The following EYA2 variants were observed in gnomAD, a reference collection of about 807,000 sequenced individuals.
EYA2 encodes the protein EYA transcriptional coactivator and phosphatase 2.
EYA2 carries 31 observed loss-of-function variants against 69.2 expected under a neutral mutation model. That is an observed-to-expected ratio of 0.45 (90% CI 0.34 to 0.60). The LOEUF is 0.60. EYA2 is among the 20% of genes least tolerant of loss of function. EYA2 has a pLI of 0.02. For synonymous variants in EYA2, 257 were observed against 279.4 expected (o/e 0.92, Z 0.80); for missense variants, 622 against 701.2 (o/e 0.89, Z 1.28).
At chr20:46,913,894 A>G (rs1984769528) in intron 1 of EYA2, among the ~76,000 whole-genome samples, 1 of 152,126 alleles carries the variant, frequency 6.6e-6, no homozygotes, top group Non-Finnish European at 1.5e-5. Flanking sequence ...CCTTCTGTCC[A>G]TTTTATCACG....
chr20:47,105,456 C>G (rs1293352689), intron 9 of EYA2, among the ~76,000 whole-genome samples: 5 of 152,242 alleles, frequency 3.3e-5, no homozygotes, highest in Admixed American at 3.3e-4. Flanking sequence ...GAAACCCTGT[C>G]TCTACTAAAA....
At chr20:47,184,052 CAGA>C (rs777170648) in intron 15 of EYA2, among the ~76,000 whole-genome samples, 7 of 152,178 alleles carry the variant, frequency 4.6e-5, no homozygotes, top group Non-Finnish European at 8.8e-5. Context: ...AGATGAAACC[CAGA>C]AGAAGAGGGA....
At chr20:47,078,672 C>T (rs921693998) in intron 7 of EYA2, among the ~76,000 whole-genome samples, 5 of 152,180 alleles carry the variant, frequency 3.3e-5, no homozygotes, top group African/African-American at 1.2e-4. Flanking sequence ...TCTCATGTTA[C>T]TTAAGAGAAA....
At chr20:46,921,073 G>T (rs1453837965) in intron 1 of EYA2, among the ~76,000 whole-genome samples, 1 of 152,176 alleles carries the variant, frequency 6.6e-6, no homozygotes, top group Admixed American at 6.5e-5. Flanking sequence ...TTGGAGGCTG[G>T]GTAGATGCCA....
chr20:47,066,424 T>C (rs1159043740), intron 5 of EYA2, among the ~76,000 whole-genome samples: 1 of 152,130 alleles, frequency 6.6e-6, no homozygotes, highest in Non-Finnish European at 1.5e-5. Flanking sequence ...GTAGCAGTTC[T>C]CTGCCTTTGA....
chr20:47,172,756 A>G lies in EYA2; in HGVS notation c.1087A>G (p.Asn363Asp). ...DGFHSSAPGA[N>D]LCLGSGVHGG... ...CTTCCACAGTTCGGCCCCAGGAGCC[A>G]ACCTGTGCCTGGGCTCTGGCGTGCA... Residue 363 changes from asparagine (N) to aspartate (D), a missense_variant, in exon 12 of 16, where the codon AAC (asparagine) becomes GAC (aspartate). This residue lies in a region of EYA2 where 257 missense variants were observed against 351.5 expected (regional missense o/e 0.73). Coordinates refer to ENST00000327619, the MANE Select transcript of EYA2 (RefSeq NM_005244.5). 6.2e-7 allele frequency: 1 copy of G among 1,614,132 alleles called. No homozygotes were observed. Among genetic ancestry groups the G allele is most frequent in the East Asian group, 2.2e-5 (1 of 44,878 alleles).
At chr20:47,034,903 C>T (rs1202707211) in intron 5 of EYA2, among the ~76,000 whole-genome samples, 2 of 152,224 alleles carry the variant, frequency 1.3e-5, no homozygotes, top group African/African-American at 2.4e-5. Context: ...TCACACCAAT[C>T]TCTGCCCCCA....
intron 9 of EYA2, among the ~76,000 whole-genome samples, chr20:47,131,336 C>G (rs1041965080): frequency 1.3e-5 from 2 of 152,178 alleles, no homozygotes; most frequent in Non-Finnish European, 2.9e-5. Context: ...ATGCTTCCCC[C>G]ACAAATTTCC....
Position 47,001,467 on chromosome 20 carries a change from T to C in EYA2, c.149T>C (p.Phe50Ser). 6.2e-7 allele frequency: 1 copy of C among 1,614,164 alleles called. No individual in the cohort carries two copies. The stretch of plus-strand genomic sequence containing the variant: ...GCCCCCCTGAGAGTGTCCCAGCTCT[T>C]CTCCAGGTGAGTGCCATTCACTTGT... Reference protein sequence around the residue: ...KSAPLRVSQLFSRSCPRVLPR... With the variant: ...KSAPLRVSQLSSRSCPRVLPR... The change falls in exon 3 of 16, where the codon TTC (phenylalanine) becomes TCC (serine). Residue 50 changes from phenylalanine (F) to serine (S), a missense_variant. By Grantham distance (155) the Phe-to-Ser change is radical. This residue lies in a region of EYA2 where 365 missense variants were observed against 349.7 expected (regional missense o/e 1.04). Transcript: ENST00000327619.
At chr20:46,897,675 G>A (rs759323530) in intron 1 of EYA2, among the ~76,000 whole-genome samples, 12 of 152,172 alleles carry the variant, frequency 7.9e-5, no homozygotes, top group Non-Finnish European at 1.8e-4. Context: ...GTTCCCAGCC[G>A]CTTATGACAG....
intron 9 of EYA2, chr20:47,117,569 G>GT: frequency 1.0e-6 from 1 of 985,436 alleles, no homozygotes; most frequent in Non-Finnish European, 1.2e-6. Flanking sequence ...GCACAGGACT[G>GT]TAGGGATTCA....
At chr20:47,155,093 T>C (rs911078323) in intron 10 of EYA2, among the ~76,000 whole-genome samples, 1 of 151,936 alleles carries the variant, frequency 6.6e-6, no homozygotes, top group Non-Finnish European at 1.5e-5. Context: ...CGACCTCAAG[T>C]GATCCACCCA....
At chr20:46,978,589 T>C (rs746442465) in intron 1 of EYA2, 2 of 534,768 alleles carry the variant, frequency 3.7e-6, no homozygotes, top group Non-Finnish European at 7.7e-6. Context: ...CTCTTTGCTT[T>C]ATCTTAAGAG....
chr20:47,120,683 G>A (rs767154647), intron 9 of EYA2, among the ~76,000 whole-genome samples: 1 of 152,212 alleles, frequency 6.6e-6, no homozygotes, highest in Admixed American at 6.5e-5. Context: ...GTCTCAGTCT[G>A]TAAAATTGGA....
intron 5 of EYA2, among the ~76,000 whole-genome samples, chr20:47,058,243 G>T (rs7269974): frequency 3.3e-5 from 5 of 152,238 alleles, no homozygotes; most frequent in African/African-American, 1.2e-4. Context: ...TAAAGACAAC[G>T]AATGAGATGT....
At chr20:47,165,204 G>A (rs1258283314) in intron 10 of EYA2, among the ~76,000 whole-genome samples, 2 of 152,170 alleles carry the variant, frequency 1.3e-5, no homozygotes, top group Non-Finnish European at 2.9e-5. Context: ...CTTTCAATGT[G>A]GAGGGTATCA....
chr20:47,132,079 G>T (rs2033354985), intron 9 of EYA2, among the ~76,000 whole-genome samples: 1 of 152,132 alleles, frequency 6.6e-6, no homozygotes, highest in Non-Finnish European at 1.5e-5. Context: ...CAATCCTCCT[G>T]CTAGGACTGT....
At chr20:47,075,546 G>A (rs2031485040) in intron 7 of EYA2, among the ~76,000 whole-genome samples, 1 of 152,038 alleles carries the variant, frequency 6.6e-6, no homozygotes, top group Non-Finnish European at 1.5e-5. Flanking sequence ...GCTGTGTACG[G>A]CCAGGAATAT....
chr20:47,091,522 T>C (rs2032083951), intron 8 of EYA2, among the ~76,000 whole-genome samples: 1 of 146,570 alleles, frequency 6.8e-6, no homozygotes, highest in South Asian at 2.1e-4. Flanking sequence ...GCAGATTGCT[T>C]AAGTCCAGTA....
Sources: gnomAD v4.1 joint callset for allele counts (sites outside exome capture counted in the v4.1 genomes callset) on GRCh38, gnomAD v4.1.1 for gene constraint, gnomAD v4.1.1 regional missense constraint, MANE v1.5 for transcripts, NCBI Gene and HGNC (gene_info 2026-07-23, HGNC 2026-07-21) for gene names.